FER: variants seen among roughly 807,000 people sequenced by gnomAD.
FER encodes FER tyrosine kinase, also known as tyrosine-protein kinase Fer.
In FER, 63 loss-of-function variants were observed where a neutral mutation model predicts 111.0. The ratio of observed to expected loss-of-function variants is 0.57; its 90% CI spans 0.46 to 0.70. The LOEUF (loss-of-function observed/expected upper bound fraction) is 0.70. Among genes scored for constraint, FER ranks in the 30% least tolerant of loss-of-function variants. FER has a pLI of 0.00. For synonymous variants in FER, 327 were observed against 313.9 expected (o/e 1.04, Z -0.44); for missense variants, 914 against 954.0 (o/e 0.96, Z 0.55).
At chr5:109,004,874 T>C (rs960154964) in intron 13 of FER, among the ~76,000 whole-genome samples, 6 of 152,190 alleles carry the variant, frequency 3.9e-5, no homozygotes, top group Non-Finnish European at 7.3e-5. Context: ...TATTTATTAA[T>C]AAGTATCATA....
rs1282656718 is a variant in FER, at chr5:109,190,505, A to G, written c.*2930A>G. 2.0e-5 allele frequency: 3 copies of G among 152,164 alleles called. No homozygotes were observed. The allele number at this position is 152,164 out of a possible 1,614,324, so 9.4% of individuals were successfully genotyped here. A position where few individuals can be genotyped will look rare whatever the true frequency, so the allele number is the denominator to read the frequency against. On this transcript the variant is annotated 3_prime_UTR_variant, in exon 20 of 20. Coordinates refer to ENST00000281092, the MANE Select transcript of FER (RefSeq NM_005246.4). Reference sequence around the variant, plus strand: ...GACAGTTTAGGTTGTTCATCATTTCACAAGGAAAGAAATTTTTCACTGTTA... The same window carrying G: ...GACAGTTTAGGTTGTTCATCATTTCGCAAGGAAAGAAATTTTTCACTGTTA...
chr5:109,011,132 A>G (rs1318653683), intron 13 of FER, among the ~76,000 whole-genome samples: 1 of 152,070 alleles, frequency 6.6e-6, no homozygotes, highest in Non-Finnish European at 1.5e-5. Context: ...TGTTAATGCT[A>G]TAGGTATTGT....
At chr5:109,052,384 C>A in intron 16 of FER, 1 of 1,564,332 alleles carries the variant, frequency 6.4e-7, no homozygotes, top group Non-Finnish European at 8.8e-7. Flanking sequence ...TACTGACAGC[C>A]ACACCTTCCC....
intron 13 of FER, among the ~76,000 whole-genome samples, chr5:108,980,268 AT>A (rs1761881524): frequency 6.6e-6 from 1 of 152,104 alleles, no homozygotes; most frequent in Non-Finnish European, 1.5e-5. Context: ...CTATGTATAA[AT>A]TTATACTGGT....
intron 17 of FER, among the ~76,000 whole-genome samples, chr5:109,130,199 A>G (rs573697775): frequency 5.9e-5 from 9 of 152,214 alleles, no homozygotes; most frequent in African/African-American, 2.2e-4. Context: ...AGTAAATATT[A>G]TAGTGAAAAT....
At chr5:108,981,138 C>A (rs958877341) in intron 13 of FER, among the ~76,000 whole-genome samples, 4 of 151,836 alleles carry the variant, frequency 2.6e-5, no homozygotes, top group African/African-American at 9.7e-5. Context: ...AGGTAATACA[C>A]AATCGCTGAA....
chr5:108,836,318 A>G (rs1002921510), intron 5 of FER, among the ~76,000 whole-genome samples: 9 of 152,242 alleles, frequency 5.9e-5, no homozygotes, highest in Admixed American at 3.9e-4. Flanking sequence ...TATGTTTCAA[A>G]CAGAGATTTA....
At chr5:108,769,293 G>A (rs972550404) in intron 2 of FER, among the ~76,000 whole-genome samples, 2 of 152,108 alleles carry the variant, frequency 1.3e-5, no homozygotes, top group Non-Finnish European at 2.9e-5. Context: ...TGGGGCAGGG[G>A]AAGGGAGTAG....
At chr5:108,894,816 C>A (rs1748808840) in intron 9 of FER, among the ~76,000 whole-genome samples, 5 of 152,044 alleles carry the variant, frequency 3.3e-5, no homozygotes, top group African/African-American at 1.2e-4. Flanking sequence ...CCTTATGAAA[C>A]CACCAGATCT....
intron 16 of FER, among the ~76,000 whole-genome samples, chr5:109,089,069 C>T (rs116095140): frequency 0.01 from 1,591 of 152,184 alleles, 22 homozygotes; most frequent in African/African-American, 0.037. Flanking sequence ...TTGTATTTGG[C>T]ATGGAAATAG....
At chr5:108,773,654 A>G (rs1356287546) in intron 2 of FER, among the ~76,000 whole-genome samples, 1 of 152,242 alleles carries the variant, frequency 6.6e-6, no homozygotes, top group East Asian at 1.9e-4. Flanking sequence ...GGCAGTGAAC[A>G]TATGCATGCA....
intron 17 of FER, among the ~76,000 whole-genome samples, chr5:109,163,381 T>C (rs1756204054): frequency 6.6e-6 from 1 of 152,160 alleles, no homozygotes; most frequent in Admixed American, 6.5e-5. Context: ...CAGTGTGTTA[T>C]TTTTCTTGAG....
chr5:108,836,568 C>T (rs921694168), intron 5 of FER, among the ~76,000 whole-genome samples: 10 of 152,020 alleles, frequency 6.6e-5, no homozygotes, highest in East Asian at 3.8e-4. Flanking sequence ...CTAAATAAAG[C>T]GTTTATTAGA....
chr5:109,144,494 G>T (rs79487911), intron 17 of FER, among the ~76,000 whole-genome samples: 1,577 of 152,182 alleles, frequency 0.01, 23 homozygotes, highest in African/African-American at 0.036. Context: ...TACCTAGATG[G>T]CCTTTTCCAA....
chr5:108,877,822 G>A (rs1306156003), intron 8 of FER, among the ~76,000 whole-genome samples: 3 of 152,114 alleles, frequency 2.0e-5, no homozygotes. Context: ...GTAAGATTTA[G>A]ATCGTGACAT....
At chr5:109,171,364 A>G (rs1232773134) in intron 17 of FER, among the ~76,000 whole-genome samples, 3 of 152,218 alleles carry the variant, frequency 2.0e-5, no homozygotes, top group Non-Finnish European at 2.9e-5. Context: ...TCCCTAGTCC[A>G]GAACTTCCAA....
At chr5:108,841,141 A>G (rs1434380510) in intron 5 of FER, among the ~76,000 whole-genome samples, 1 of 152,220 alleles carries the variant, frequency 6.6e-6, no homozygotes, top group African/African-American at 2.4e-5. Context: ...AACTCTTTCC[A>G]AAGTCATGAA....
At chr5:109,145,031 AGTT>A (rs1168470754) in intron 17 of FER, among the ~76,000 whole-genome samples, 1 of 150,532 alleles carries the variant, frequency 6.6e-6, no homozygotes, top group Non-Finnish European at 1.5e-5. Flanking sequence ...TCATTTCTTT[AGTT>A]GTTTTTTTTT....
At chr5:109,116,426 C>CA (rs199831249) in intron 17 of FER, among the ~76,000 whole-genome samples, 7,383 of 126,812 alleles carry the variant, frequency 0.058, 386 homozygotes, top group African/African-American at 0.15. Context: ...TTCCCCCCGC[C>CA]AAAAAAAAAA....
Sources: allele counts gnomAD v4.1 joint callset (sites outside exome capture counted in the v4.1 genomes callset), GRCh38; gene constraint gnomAD v4.1.1; transcripts MANE v1.5; gene names NCBI Gene and HGNC (gene_info 2026-07-23, HGNC 2026-07-21).